The following TUSC3 variants were observed in gnomAD, a reference collection of about 807,000 sequenced individuals.
TUSC3 encodes dolichyl-diphosphooligosaccharide--protein glycosyltransferase subunit TUSC3.
In TUSC3, 45 loss-of-function variants were observed where a neutral mutation model predicts 44.8. The observed-to-expected ratio is 1.00, with a 90% CI of 0.79 to 1.29. The LOEUF (loss-of-function observed/expected upper bound fraction) is 1.29, where lower values mean the gene tolerates loss of function less well. Ranked by LOEUF, TUSC3 falls within the 50% of genes most tolerant of loss-of-function variation. The probability of loss-of-function intolerance (pLI) is 0.00; values close to 1 mark genes in which losing one functional copy is unlikely to be tolerated. For missense variants in TUSC3, 519 were observed against 437.9 expected (o/e 1.19, Z -1.65); for synonymous variants, 212 against 152.9 (o/e 1.39, Z -2.85).
intron 6 of TUSC3, among the ~76,000 whole-genome samples, chr8:15,698,918 C>T (rs1460839759): frequency 7.3e-5 from 11 of 151,632 alleles, no homozygotes; most frequent in Admixed American, 7.2e-4. Context: ...TGATCACAGC[C>T]TACTTTTAAC....
At chr8:15,771,950 G>A in the TUSC3 span, among the ~76,000 whole-genome samples, 206 of 152,158 alleles carry the variant, frequency 1.4e-3, 2 homozygotes, top group African/African-American at 4.7e-3. Flanking sequence ...TTAGCCAGGT[G>A]TGGTAGAGGG....
chr8:15,563,519 C>T (rs1436901145), intron 1 of TUSC3, among the ~76,000 whole-genome samples: 2 of 151,844 alleles, frequency 1.3e-5, no homozygotes, highest in East Asian at 3.9e-4. Flanking sequence ...AACCCTGTCT[C>T]TGCTAAAAAT....
chr8:15,739,701 T>C (rs1381181608), intron 7 of TUSC3, among the ~76,000 whole-genome samples: 2 of 152,240 alleles, frequency 1.3e-5, no homozygotes, highest in East Asian at 1.9e-4. Flanking sequence ...TTGAATGCTC[T>C]GTGCTTTATG....
intron 1 of TUSC3, among the ~76,000 whole-genome samples, chr8:15,425,673 G>A (rs1042684713): frequency 7.2e-5 from 11 of 152,334 alleles, no homozygotes; most frequent in African/African-American, 2.6e-4. Context: ...CAATGGACCA[G>A]AGCCAAAGAT....
chr8:15,707,995 C>T (rs1160425776), intron 6 of TUSC3, among the ~76,000 whole-genome samples: 2 of 151,892 alleles, frequency 1.3e-5, no homozygotes, highest in African/African-American at 4.8e-5. Flanking sequence ...TTCACATCCC[C>T]TTCTTCTGTG....
At chr8:15,795,293 A>G in the TUSC3 span, among the ~76,000 whole-genome samples, 16 of 152,312 alleles carry the variant, frequency 1.1e-4, no homozygotes, top group African/African-American at 3.8e-4. Flanking sequence ...CAAGCAGAAA[A>G]TGTAGGACAA....
intron 1 of TUSC3, 88 bp from the exon 2 acceptor site, chr8:15,622,992 G>A: frequency 7.4e-7 from 1 of 1,358,672 alleles, no homozygotes; most frequent in Non-Finnish European, 1.0e-6. Flanking sequence ...TTAGGAAAAA[G>A]AAAATAAAAC....
At chr8:15,662,385 C>T (rs372396956) in intron 5 of TUSC3, 89 bp downstream of exon 5, 3 of 1,554,440 alleles carry the variant, frequency 1.9e-6, no homozygotes, top group Non-Finnish European at 2.6e-6. Flanking sequence ...CCAGATATAA[C>T]TATAATAGAA....
chr8:15,681,124 C>A (rs1808411344), intron 6 of TUSC3, among the ~76,000 whole-genome samples: 2 of 141,756 alleles, frequency 1.4e-5, no homozygotes, highest in South Asian at 4.3e-4. Context: ...TTCCTTCATC[C>A]TTGATTTTTT....
At chr8:15,443,317 C>T (rs1315421139) in intron 1 of TUSC3, among the ~76,000 whole-genome samples, 1 of 148,348 alleles carries the variant, frequency 6.7e-6, no homozygotes, top group Non-Finnish European at 1.5e-5. Flanking sequence ...TACAGGTATA[C>T]AACACCACAC....
At chr8:15,843,593 C>CATATATATAT in the TUSC3 span, among the ~76,000 whole-genome samples, 3 of 91,142 alleles carry the variant, frequency 3.3e-5, no homozygotes, top group African/African-American at 2.4e-4. Flanking sequence ...ACTTGATGTA[C>CATATATATAT]ATATATATAT....
rs531462405 is a variant in TUSC3, at chr8:15,436,071, A to T, written n.91+18766A>T. On this transcript the variant is annotated intron_variant and non_coding_transcript_variant, in intron 1 of 5. Transcript: ENST00000503191. The stretch of plus-strand genomic sequence containing the variant: ...TACCCTTTTTCAAGATCGCTCATTC[A>T]CATACCTGGTACTTTGAAGTTAGCC... Among the ~76,000 whole-genome samples, 8 of 152,250 alleles carry T rather than the reference A, an allele frequency of 5.3e-5. No individual in the cohort carries two copies. The East Asian group carries it at 1.5e-3, about 29-fold the overall frequency.
In TUSC3 at chr8:15,766,585, T is replaced by C. The variant is rs778908977; in HGVS notation, c.*2429T>C. On this transcript the variant is annotated 3_prime_UTR_variant, in exon 11 of 11. Coordinates refer to ENST00000503731, the MANE Select transcript of TUSC3 (RefSeq NM_006765.4). The stretch of plus-strand genomic sequence containing the variant: ...TTTGTAATAACATCTGATTAATAAC[T>C]TGTTGCATTTTGCTTAACATACTGT... 6.6e-6 allele frequency: 1 copy of C among 152,160 alleles called. No homozygotes were observed. The highest frequency in any genetic ancestry group is 1.5e-5 in the Non-Finnish European group (1 of 68,006). The allele number at this position is 152,160 out of a possible 1,614,324, so 9.4% of individuals were successfully genotyped here. A position where few individuals can be genotyped will look rare whatever the true frequency, so the allele number is the denominator to read the frequency against.
At chr8:15,441,681 TATTC>T (rs940054110) in intron 1 of TUSC3, among the ~76,000 whole-genome samples, 3 of 152,170 alleles carry the variant, frequency 2.0e-5, no homozygotes, top group African/African-American at 7.2e-5. Context: ...ATTATTCAAT[TATTC>T]AGTTGTGAAG....
At chr8:15,796,767 C>T in the TUSC3 span, among the ~76,000 whole-genome samples, 1 of 152,206 alleles carries the variant, frequency 6.6e-6, no homozygotes, top group Non-Finnish European at 1.5e-5. Context: ...AGATACTGCT[C>T]AGGCCAGCCT....
intron 7 of TUSC3, among the ~76,000 whole-genome samples, chr8:15,742,677 A>C (rs1437079125): frequency 6.6e-6 from 1 of 152,202 alleles, no homozygotes; most frequent in Admixed American, 6.5e-5. Flanking sequence ...ATCATAATGA[A>C]ATTAAGCAAA....
intron 1 of TUSC3, among the ~76,000 whole-genome samples, chr8:15,447,892 AAATT>A (rs1183127108): frequency 6.6e-6 from 1 of 151,634 alleles, no homozygotes; most frequent in Non-Finnish European, 1.5e-5. Flanking sequence ...ATTGTCAAAA[AAATT>A]AAAGGATATA....
intron 1 of TUSC3, among the ~76,000 whole-genome samples, chr8:15,555,757 T>C (rs529338963): frequency 1.0e-3 from 152 of 151,796 alleles, no homozygotes; most frequent in African/African-American, 3.4e-3. Flanking sequence ...AAGAATCTTG[T>C]AGAAGTTTAG....
the TUSC3 span, among the ~76,000 whole-genome samples, chr8:15,779,440 G>C: frequency 5.6e-3 from 843 of 150,974 alleles, 5 homozygotes; most frequent in African/African-American, 0.02. Context: ...TCAAACATGA[G>C]AACTCAGGAA....
Sources: gnomAD v4.1 joint callset for allele counts (sites outside exome capture counted in the v4.1 genomes callset) on GRCh38, gnomAD v4.1.1 for gene constraint, MANE v1.5 for transcripts, NCBI Gene and HGNC (gene_info 2026-07-23, HGNC 2026-07-21) for gene names.